RYR3: variants seen among roughly 807,000 people sequenced by gnomAD.
The protein encoded by RYR3 is ryanodine receptor 3.
A neutral mutation model predicts 584.3 loss-of-function variants in RYR3; 207 were observed. That is an observed-to-expected ratio of 0.35 (90% CI 0.32 to 0.40). The LOEUF (loss-of-function observed/expected upper bound fraction) is 0.40, where lower values mean the gene tolerates loss of function less well. RYR3 is among the 10% of genes least tolerant of loss of function. RYR3 has a pLI of 1.00. For synonymous variants in RYR3, 2,416 were observed against 2,248.5 expected, an observed-to-expected ratio of 1.07 and a Z score of -2.11; for missense variants, 5,616 against 6,089.2, an observed-to-expected ratio of 0.92 and a Z score of 2.59.
At chr15:33,530,481 T>A (rs940830516) in intron 3 of RYR3, 111 bp from the exon 4 acceptor site, 3 of 743,252 alleles carry the variant, frequency 4.0e-6, no homozygotes, top group Non-Finnish European at 7.0e-6. Flanking sequence ...CCTTAGGAGC[T>A]TTGCAATGGG....
chr15:33,819,242 G>T (rs928205616), intron 76 of RYR3, among the ~76,000 whole-genome samples: 1 of 152,226 alleles, frequency 6.6e-6, no homozygotes, highest in Non-Finnish European at 1.5e-5. Context: ...TGAATTCCAT[G>T]TTAAGCCCCT....
At chr15:33,700,950 C>T (rs769241370) in intron 41 of RYR3, 27 bp from the exon 42 acceptor site, 1 of 1,554,826 alleles carries the variant, frequency 6.4e-7, no homozygotes, top group South Asian at 1.1e-5. Flanking sequence ...CTGTCCTTTT[C>T]TTGCTAATTC....
intron 18 of RYR3, among the ~76,000 whole-genome samples, chr15:33,612,688 C>T (rs2060256847): frequency 6.6e-6 from 1 of 152,156 alleles, no homozygotes. Context: ...GGCTAGATGG[C>T]CTTGCCATTC....
Position 33,865,010 on chromosome 15 carries a change from G to C in RYR3, c.14518-121G>C, listed in dbSNP as rs896577794. 7 of 679,878 alleles carry C rather than the reference G, an allele frequency of 1.0e-5. No individual in the cohort carries two copies. The African/African-American group carries it at 1.3e-4, about 12-fold the overall frequency. 42.1% of individuals were successfully genotyped at this position (679,878 alleles called of 1,614,324 possible). ...GAATAGAGCAAGAATGAATGTGCAG[G>C]TTTGGCCTCATATAAATTCACATCA... On this transcript the variant is annotated intron_variant, in intron 103 of 103. Coordinates refer to ENST00000634891, the MANE Select transcript of RYR3 (RefSeq NM_001036.6).
At chr15:33,366,871 C>A (rs933888597) in intron 1 of RYR3, among the ~76,000 whole-genome samples, 1 of 151,994 alleles carries the variant, frequency 6.6e-6, no homozygotes, top group Non-Finnish European at 1.5e-5. Flanking sequence ...GAATTTGAGC[C>A]CAACAAAAGG....
intron 1 of RYR3, among the ~76,000 whole-genome samples, chr15:33,323,292 T>A (rs975235289): frequency 6.6e-5 from 10 of 151,692 alleles, no homozygotes; most frequent in Non-Finnish European, 1.2e-4. Flanking sequence ...GTATTTTTAG[T>A]AGAGACGGGG....
Position 33,311,110 on chromosome 15 carries a change from G to T in RYR3, c.51+14G>T. The stretch of plus-strand genomic sequence containing the variant: ...TTTCTGAGGACTGTGAGTCTCCGCG[G>T]CGGGGGCGAGGCCGTGGGCAGGTGG... On this transcript the variant is annotated intron_variant, in intron 1 of 103. Transcript: ENST00000634891. This position sits in a 1 kb window ranked among gnomAD's most constrained non-coding sequence, Gnocchi z 4.4. The T allele has an allele frequency of 2.6e-6, 4 of 1,566,710 alleles. No homozygotes were observed. The highest frequency in any genetic ancestry group is 3.5e-6 in the Non-Finnish European group (4 of 1,157,506).
chr15:33,751,343 TC>T (rs1219440728), intron 57 of RYR3, among the ~76,000 whole-genome samples: 1 of 152,194 alleles, frequency 6.6e-6, no homozygotes, highest in Non-Finnish European at 1.5e-5. Flanking sequence ...TAATTTACGC[TC>T]CCACCAACAG....
chr15:33,617,041 C>T (rs1174270602), intron 19 of RYR3, among the ~76,000 whole-genome samples: 1 of 152,206 alleles, frequency 6.6e-6, no homozygotes, highest in Non-Finnish European at 1.5e-5. Flanking sequence ...CTTCTCTGTA[C>T]TACTTTAGTT....
intron 60 of RYR3, among the ~76,000 whole-genome samples, chr15:33,764,974 C>G (rs147974787): frequency 7.3e-6 from 1 of 136,904 alleles, no homozygotes; most frequent in East Asian, 2.2e-4. Flanking sequence ...GAGGTTGCAG[C>G]GAGCCAAGAT....
chr15:33,389,981 A>G (rs2041888139), intron 1 of RYR3, among the ~76,000 whole-genome samples: 1 of 152,232 alleles, frequency 6.6e-6, no homozygotes, highest in South Asian at 2.1e-4. Context: ...AAAAAGTTAC[A>G]ATGAAGAGGG....
chr15:33,819,577 G>A (rs1416890095), intron 76 of RYR3, among the ~76,000 whole-genome samples, 179 bp from the exon 77 acceptor site: 1 of 151,896 alleles, frequency 6.6e-6, no homozygotes, highest in East Asian at 1.9e-4. Context: ...GGGAGGTTGA[G>A]GTAGGAGAAT....
At chr15:33,817,295 G>A (rs570673439) in intron 75 of RYR3, among the ~76,000 whole-genome samples, 8 of 152,234 alleles carry the variant, frequency 5.3e-5, no homozygotes, top group East Asian at 3.9e-4. Context: ...AAAGCCCCAC[G>A]TTCCTACTCT....
chr15:33,550,130 T>TG, intron 9 of RYR3, 30 bp from the exon 10 acceptor site: 1 of 1,604,796 alleles, frequency 6.2e-7, no homozygotes, highest in Non-Finnish European at 8.5e-7. Context: ...TTTGTATAAA[T>TG]GCAATTTCTT....
Position 33,580,010 on chromosome 15 carries a change from C to A in RYR3, c.1303C>A (p.Pro435Thr). 6.2e-7 allele frequency: 1 copy of A among 1,613,026 alleles called. No homozygotes were observed. The highest frequency in any genetic ancestry group is 8.5e-7 in the Non-Finnish European group (1 of 1,179,454). The stretch of plus-strand genomic sequence containing the variant: ...TCGCACAGCTGCCCCCATCACCCTG[C>A]CTATAGAAGAAGTCCTGCAGACCCT... Reference protein sequence around the residue: ...NNRTAAPITLPIEEVLQTLQD... With the variant: ...NNRTAAPITLTIEEVLQTLQD... The change falls in exon 13 of 104, where the codon CCT (proline) becomes ACT (threonine). Residue 435 changes from proline to threonine, a missense_variant. Around this residue, in one of 9 missense-constraint regions of RYR3, gnomAD observed 1,284 missense variants for 1,344.6 expected, o/e 0.95. Transcript: ENST00000634891.
At chr15:33,554,228 G>T (rs116325476) in intron 10 of RYR3, among the ~76,000 whole-genome samples, 63 of 151,610 alleles carry the variant, frequency 4.2e-4, no homozygotes, top group Admixed American at 1.8e-3. Flanking sequence ...TTGCTGAAGG[G>T]TTACATCAGT....
intron 1 of RYR3, among the ~76,000 whole-genome samples, chr15:33,404,760 G>A (rs917350111): frequency 2.6e-5 from 4 of 152,088 alleles, no homozygotes; most frequent in African/African-American, 9.7e-5. Flanking sequence ...GATTTAACTT[G>A]TTTTTGAAGA....
intron 16 of RYR3, among the ~76,000 whole-genome samples, chr15:33,596,177 C>T (rs1176054701): frequency 6.6e-6 from 1 of 151,300 alleles, no homozygotes; most frequent in East Asian, 1.9e-4. Flanking sequence ...TTGAATTAGA[C>T]AAAACTTGTT....
At chr15:33,756,025 C>T (rs1036410006) in intron 58 of RYR3, among the ~76,000 whole-genome samples, 1 of 152,212 alleles carries the variant, frequency 6.6e-6, no homozygotes, top group African/African-American at 2.4e-5. Flanking sequence ...CCACCTGCTT[C>T]AGCTTCCCAA....
Sources: gnomAD v4.1 joint callset for allele counts (sites outside exome capture counted in the v4.1 genomes callset) on GRCh38, gnomAD v4.1.1 for gene constraint, gnomAD v4.1.1 regional missense constraint, Gnocchi (gnomAD v3.1) non-coding constraint, MANE v1.5 for transcripts, NCBI Gene and HGNC (gene_info 2026-07-23, HGNC 2026-07-21) for gene names.